CAMK2D: variants seen among roughly 807,000 people sequenced by gnomAD.
CAMK2D encodes the protein calcium/calmodulin dependent protein kinase II delta.
Under a neutral mutation model 84.0 loss-of-function variants are expected in CAMK2D, and 37 were observed. The ratio of observed to expected loss-of-function variants is 0.44; its 90% confidence interval spans 0.34 to 0.58. CAMK2D has a LOEUF of 0.58. CAMK2D is among the 20% of genes least tolerant of loss of function. CAMK2D has a pLI of 0.02. For missense variants in CAMK2D, 448 were observed against 652.5 expected (o/e 0.69, Z 3.41); for synonymous variants, 202 against 212.5 (o/e 0.95, Z 0.43).
In CAMK2D at chr4:113,457,395, C is replaced by T. The variant is rs146226572; in HGVS notation, c.1475G>A (p.Arg492Gln). 70 of 1,613,652 alleles carry T rather than the reference C, an allele frequency of 4.3e-5. No homozygotes were observed. The highest frequency in any genetic ancestry group is 5.9e-5 in the Non-Finnish European group (70 of 1,179,788). ...ATGAACATTCTGCCACTTTCCATCC[C>T]GGCGGTGCCACACACGAGTCTCTTC... The part of the protein sequence containing the change: ...QSEETRVWHR[R>Q]DGKWQNVHFH... Residue 492 changes from arginine (R) to glutamine (Q), a missense_variant, in exon 19 of 21, where the codon CGG (arginine) becomes CAG (glutamine). Physicochemically the swap from Arg to Gln is conservative, Grantham distance 43 (BLOSUM62 1). This residue lies in a region of CAMK2D where 219 missense variants were observed against 272.1 expected (regional missense o/e 0.80). Transcript: ENST00000511664.
At chr4:113,660,581 T>C (rs964154852) in intron 3 of CAMK2D, among the ~76,000 whole-genome samples, 4 of 151,966 alleles carry the variant, frequency 2.6e-5, no homozygotes, top group African/African-American at 4.8e-5. Context: ...TGTAGAGATA[T>C]GGTCTTGCCA....
At position 113,492,296 on chromosome 4, in the gene CAMK2D, T is replaced by C. The variant is rs565032508; in HGVS notation, c.1135+8167A>G. On this transcript the variant is annotated intron_variant, in intron 16 of 20. Transcript: ENST00000511664. ...TGGCATTTAGTGCTATAAATTTCCC[T>C]CTACACACTGCTTTGAATGTGTCCC... is the stretch of plus-strand genomic sequence containing the variant. Among the ~76,000 whole-genome samples the C allele has an allele frequency of 3.7e-3, 559 of 152,326 alleles. 3 individuals carry two copies. Among genetic ancestry groups the C allele is most frequent in the African/African-American group, 0.013 (537 of 41,568 alleles).
chr4:113,722,048 C>A (rs1335854756), intron 2 of CAMK2D, among the ~76,000 whole-genome samples: 3 of 152,152 alleles, frequency 2.0e-5, no homozygotes, highest in Admixed American at 2.0e-4. Flanking sequence ...ATGTATGTTG[C>A]ATGCATAAAT....
At chr4:113,544,195 C>A (rs1250857164) in intron 6 of CAMK2D, among the ~76,000 whole-genome samples, 1 of 152,112 alleles carries the variant, frequency 6.6e-6, no homozygotes, top group Non-Finnish European at 1.5e-5. Flanking sequence ...CACCTGTCTA[C>A]TACCAGATTG....
At chr4:113,697,161 C>G (rs2099405358) in intron 2 of CAMK2D, among the ~76,000 whole-genome samples, 1 of 151,928 alleles carries the variant, frequency 6.6e-6, no homozygotes, top group Admixed American at 6.6e-5. Context: ...GAAGGGAAGG[C>G]AAAATCTACA....
In CAMK2D at chr4:113,761,157, T is replaced by C; in HGVS notation, c.-89A>G. The C allele has an allele frequency of 1.3e-6, 2 of 1,597,974 alleles. No homozygotes were observed. The highest frequency in any genetic ancestry group is 1.7e-6 in the Non-Finnish European group (2 of 1,175,050). ...AACCCCGGGACTGGCCCCGCGGCGC[T>C]GTCACCCAGGGCCGCTCTTACTTTC... On this transcript the variant is annotated 5_prime_UTR_variant, in exon 1 of 21. Transcript: ENST00000511664.
chr4:113,601,597 AAAAC>A (rs1181963026), intron 4 of CAMK2D, among the ~76,000 whole-genome samples: 3 of 151,926 alleles, frequency 2.0e-5, no homozygotes, highest in Non-Finnish European at 4.4e-5. Context: ...CCATTTTCTA[AAAAC>A]AAACAAGAAA....
At chr4:113,540,364 T>C (rs1660245258) in intron 6 of CAMK2D, among the ~76,000 whole-genome samples, 1 of 152,176 alleles carries the variant, frequency 6.6e-6, no homozygotes, top group Non-Finnish European at 1.5e-5. Flanking sequence ...TTTGCTACTA[T>C]TCCACTATTT....
At chr4:113,593,582 G>A (rs1038922211) in intron 4 of CAMK2D, among the ~76,000 whole-genome samples, 1 of 151,412 alleles carries the variant, frequency 6.6e-6, no homozygotes, top group South Asian at 2.1e-4. Context: ...GTGAATACCA[G>A]AGGAAAAATC....
At chr4:113,659,221 C>T (rs2099216833) in intron 3 of CAMK2D, among the ~76,000 whole-genome samples, 1 of 152,078 alleles carries the variant, frequency 6.6e-6, no homozygotes, top group South Asian at 2.1e-4. Flanking sequence ...CAAACCAAAC[C>T]AAAACAAACA....
intron 2 of CAMK2D, among the ~76,000 whole-genome samples, chr4:113,734,239 A>T (rs2099575864): frequency 6.6e-6 from 1 of 152,164 alleles, no homozygotes; most frequent in Admixed American, 6.5e-5. Flanking sequence ...TGGTTACAAG[A>T]GATTAGTTCA....
chr4:113,580,864 A>T (rs1283302516), intron 4 of CAMK2D, among the ~76,000 whole-genome samples: 1 of 145,338 alleles, frequency 6.9e-6, no homozygotes, highest in African/African-American at 2.6e-5. Context: ...TATTCAGAAG[A>T]AGTGACCTTT....
rs2097274134 is a variant in CAMK2D at position 113,453,787 on chromosome 4, G to A, written c.*758C>T. 1 of 152,484 alleles carries A rather than the reference G, an allele frequency of 6.6e-6. No individual in the cohort carries two copies. The highest frequency in any genetic ancestry group is 1.5e-5 in the Non-Finnish European group (1 of 68,012). 9.4% of individuals were successfully genotyped at this position (152,484 alleles called of 1,614,324 possible). ...ACAAAGAAACAGGATAAAGAAAAGA[G>A]ATCACAGATTTGAGAAAGAAAAACA... On this transcript the variant is annotated 3_prime_UTR_variant, in exon 21 of 21. Transcript: ENST00000511664.
At chr4:113,468,241 G>A (rs2154115001) in intron 16 of CAMK2D, among the ~76,000 whole-genome samples, 1 of 152,238 alleles carries the variant, frequency 6.6e-6, no homozygotes, top group African/African-American at 2.4e-5. Flanking sequence ...TGCCACAACT[G>A]GCTTAAGGGT....
chr4:113,661,797 G>T (rs1361299116), intron 2 of CAMK2D, 25 bp from the exon 3 acceptor site: 7 of 1,293,252 alleles, frequency 5.4e-6, no homozygotes, highest in African/African-American at 4.6e-5. Context: ...AACAGAATAA[G>T]GCAAAAATAA....
chr4:113,728,954 A>G (rs955392121), intron 2 of CAMK2D, among the ~76,000 whole-genome samples: 2 of 152,174 alleles, frequency 1.3e-5, no homozygotes, highest in Admixed American at 1.3e-4. Context: ...GCAATTCTCT[A>G]CCTAAAACTA....
intron 3 of CAMK2D, among the ~76,000 whole-genome samples, chr4:113,621,473 A>T (rs1020139939): frequency 5.9e-5 from 9 of 152,206 alleles, no homozygotes; most frequent in Non-Finnish European, 1.0e-4. Flanking sequence ...AAAAAACATT[A>T]ATAGAAAATA....
intron 2 of CAMK2D, among the ~76,000 whole-genome samples, chr4:113,732,125 T>A (rs191334248): frequency 6.7e-6 from 1 of 148,578 alleles, no homozygotes; most frequent in African/African-American, 2.5e-5. Flanking sequence ...CACTCCTTCT[T>A]TTTTTTTTTT....
chr4:113,678,777 AC>A (rs1237170852), intron 2 of CAMK2D, among the ~76,000 whole-genome samples: 1 of 152,194 alleles, frequency 6.6e-6, no homozygotes, highest in Admixed American at 6.5e-5. Flanking sequence ...AATCCAGCCC[AC>A]AGGCATTTCC....
Sources: gnomAD v4.1 joint callset for allele counts (sites outside exome capture counted in the v4.1 genomes callset) on GRCh38, gnomAD v4.1.1 for gene constraint, gnomAD v4.1.1 regional missense constraint, MANE v1.5 for transcripts, NCBI Gene and HGNC (gene_info 2026-07-23, HGNC 2026-07-21) for gene names.